The following WDFY4 variants were observed in gnomAD, a reference collection of about 807,000 sequenced individuals.
The protein encoded by WDFY4 is WDFY family member 4.
In WDFY4, 169 loss-of-function variants were observed where a neutral mutation model predicts 351.9. The ratio of observed to expected loss-of-function variants is 0.48; its 90% CI spans 0.42 to 0.55. The LOEUF (loss-of-function observed/expected upper bound fraction) is 0.55. WDFY4 is among the 20% of genes least tolerant of loss of function. WDFY4 has a pLI of 0.00. For missense variants in WDFY4, 3,803 were observed against 3,935.6 expected (o/e 0.97, Z 0.90); for synonymous variants, 1,622 against 1,574.6 (o/e 1.03, Z -0.71).
In WDFY4 at chr10:48,726,215, T is replaced by A. The variant is rs1157063769; in HGVS notation, c.781+145T>A. 6 of 950,998 alleles carry A rather than the reference T, an allele frequency of 6.3e-6. 1 individual carries two copies. Among genetic ancestry groups the A allele is most frequent in the African/African-American group, 3.3e-5 (2 of 60,412 alleles). The allele number at this position is 950,998 out of a possible 1,614,324, so 58.9% of individuals were successfully genotyped here. A position where few individuals can be genotyped will look rare whatever the true frequency, so the allele number is the denominator to read the frequency against. On this transcript the variant is annotated intron_variant, in intron 6 of 61. Coordinates refer to ENST00000325239, the MANE Select transcript of WDFY4 (RefSeq NM_001394531.1). ...TAGAATTTTGGGACCAAAGAAGAGATGAATGAGCAGCCATGTCCGGTAGAT... is the reference window on the plus strand; with the variant it reads ...TAGAATTTTGGGACCAAAGAAGAGAAGAATGAGCAGCCATGTCCGGTAGAT...
chr10:48,897,334 T>C (rs1182780791), intron 44 of WDFY4, 120 bp from the exon 45 acceptor site: 4 of 1,405,850 alleles, frequency 2.8e-6, no homozygotes, highest in African/African-American at 1.4e-5. Flanking sequence ...CCACCGCACT[T>C]CTCTGATGTG....
At chr10:48,939,430 G>GC (rs1313984154) in intron 47 of WDFY4, among the ~76,000 whole-genome samples, 1 of 152,154 alleles carries the variant, frequency 6.6e-6, no homozygotes, top group Non-Finnish European at 1.5e-5. Context: ...CTTGCTCGGG[G>GC]CCCCCCATTT....
intron 51 of WDFY4, among the ~76,000 whole-genome samples, chr10:48,948,703 G>T (rs921296841): frequency 2.0e-5 from 3 of 152,204 alleles, no homozygotes; most frequent in African/African-American, 7.2e-5. Context: ...AGGCTGTTGA[G>T]AAGATTAAAT....
intron 1 of WDFY4, among the ~76,000 whole-genome samples, chr10:48,689,216 T>C (rs2063134579): frequency 6.6e-6 from 1 of 152,216 alleles, no homozygotes; most frequent in Non-Finnish European, 1.5e-5. Flanking sequence ...GTAATCTCCC[T>C]CCAAGTGCTA....
intron 35 of WDFY4, among the ~76,000 whole-genome samples, chr10:48,824,650 T>A (rs1047177851): frequency 6.6e-6 from 1 of 151,944 alleles, no homozygotes; most frequent in African/African-American, 2.4e-5. Context: ...AATTTTTTTT[T>A]AAAAGACAAA....
chr10:48,898,462 C>T (rs1837199467), intron 45 of WDFY4, among the ~76,000 whole-genome samples: 1 of 152,166 alleles, frequency 6.6e-6, no homozygotes, highest in African/African-American at 2.4e-5. Flanking sequence ...CACTTAGTTC[C>T]AAAGGCCAGC....
chr10:48,902,070 A>T (rs1343350370), intron 47 of WDFY4, among the ~76,000 whole-genome samples: 1 of 152,208 alleles, frequency 6.6e-6, no homozygotes, highest in East Asian at 1.9e-4. Context: ...TTGAAGTCTC[A>T]CATGCCCTGT....
At chr10:48,920,177 C>CT (rs1188936942) in intron 47 of WDFY4, among the ~76,000 whole-genome samples, 2 of 152,058 alleles carry the variant, frequency 1.3e-5, no homozygotes, top group African/African-American at 4.8e-5. Context: ...AATGTAACAT[C>CT]TGCTAGTGAT....
intron 1 of WDFY4, among the ~76,000 whole-genome samples, chr10:48,690,704 A>G (rs1040120127): frequency 2.6e-4 from 39 of 152,024 alleles, no homozygotes; most frequent in African/African-American, 8.0e-4. Context: ...TGGTCCTCCT[A>G]TAATCTTCCC....
intron 40 of WDFY4, among the ~76,000 whole-genome samples, chr10:48,873,250 G>A (rs1349816556): frequency 1.3e-5 from 2 of 152,216 alleles, no homozygotes; most frequent in Admixed American, 6.5e-5. Flanking sequence ...GGCTCTGAAG[G>A]CCAAAGGGCA....
chr10:48,811,629 T>C lies in WDFY4; in HGVS notation c.5135T>C (p.Val1712Ala). 6.4e-7 allele frequency: 1 copy of C among 1,551,922 alleles called. No individual in the cohort carries two copies. Among genetic ancestry groups the C allele is most frequent in the Non-Finnish European group, 8.7e-7 (1 of 1,147,046 alleles). ...TTGAATGACTTTCTGGCCCACCACGTCCACATTCCAGAGGTCTACCTCATC... is the reference window on the plus strand; with the variant it reads ...TTGAATGACTTTCTGGCCCACCACGCCCACATTCCAGAGGTCTACCTCATC... ...RVLNDFLAHH[V>A]HIPEVYLIVS... The change falls in exon 30 of 62, where the codon GTC becomes GCC. Residue 1712 changes from valine to alanine, a missense_variant. Around this residue, in one of 3 missense-constraint regions of WDFY4, gnomAD observed 3,054 missense variants for 3,148.6 expected, o/e 0.97. Coordinates refer to ENST00000325239, the MANE Select transcript of WDFY4 (RefSeq NM_001394531.1).
intron 43 of WDFY4, chr10:48,878,660 ACT>A: frequency 6.7e-6 from 1 of 148,898 alleles, no homozygotes; most frequent in South Asian, 2.1e-4. Flanking sequence ...CCTGCAACTG[ACT>A]CTCTGAAGCT....
intron 12 of WDFY4, among the ~76,000 whole-genome samples, chr10:48,757,663 C>T (rs962037586): frequency 2.0e-5 from 3 of 150,416 alleles, no homozygotes; most frequent in Admixed American, 1.3e-4. Flanking sequence ...TTTTTTGTTC[C>T]TCTACTTCTG....
chr10:48,918,072 G>A (rs1052502351), intron 47 of WDFY4, among the ~76,000 whole-genome samples: 2 of 151,902 alleles, frequency 1.3e-5, no homozygotes, highest in African/African-American at 4.8e-5. Flanking sequence ...CAATCACTAA[G>A]GCAATATATA....
intron 39 of WDFY4, among the ~76,000 whole-genome samples, chr10:48,844,066 G>A (rs542710158): frequency 6.6e-5 from 10 of 152,322 alleles, no homozygotes; most frequent in South Asian, 6.2e-4. Flanking sequence ...GCCGCCTGGC[G>A]CCTGCCGCCT....
At chr10:48,897,337 C>G in intron 44 of WDFY4, 117 bp from the exon 45 acceptor site, 3 of 1,420,350 alleles carry the variant, frequency 2.1e-6, no homozygotes, top group South Asian at 1.4e-5. Context: ...CCGCACTTCT[C>G]TGATGTGTCA....
chr10:48,938,105 C>A (rs931211876), intron 47 of WDFY4, among the ~76,000 whole-genome samples: 1 of 152,224 alleles, frequency 6.6e-6, no homozygotes, highest in African/African-American at 2.4e-5. Context: ...TTGTGGCTTG[C>A]GTATGCCTAG....
chr10:48,827,856 T>G (rs1397498056), intron 36 of WDFY4, among the ~76,000 whole-genome samples: 1 of 151,218 alleles, frequency 6.6e-6, no homozygotes, highest in African/African-American at 2.4e-5. Flanking sequence ...TGAAAGAAAA[T>G]AATCCATTTT....
intron 3 of WDFY4, among the ~76,000 whole-genome samples, chr10:48,720,375 C>T (rs991918777): frequency 1.3e-5 from 2 of 152,134 alleles, no homozygotes; most frequent in African/African-American, 2.4e-5. Context: ...GCACATAATA[C>T]ATTATACACG....
Sources: gnomAD v4.1 joint callset for allele counts (sites outside exome capture counted in the v4.1 genomes callset) on GRCh38, gnomAD v4.1.1 for gene constraint, gnomAD v4.1.1 regional missense constraint, MANE v1.5 for transcripts, NCBI Gene and HGNC (gene_info 2026-07-23, HGNC 2026-07-21) for gene names.